Variants in CIMIP6 observed in about 807,000 individuals in gnomAD.
CIMIP6 encodes the protein uncharacterized protein C2orf73.
chr2:54,341,194 T>G, the CIMIP6 span, among the ~76,000 whole-genome samples: 1 of 152,242 alleles, frequency 6.6e-6, no homozygotes, highest in Non-Finnish European at 1.5e-5. Flanking sequence ...TCCAAACTCA[T>G]GTTGAAATGT....
the CIMIP6 span, among the ~76,000 whole-genome samples, chr2:54,333,480 T>C: frequency 6.6e-6 from 1 of 152,002 alleles, no homozygotes; most frequent in Non-Finnish European, 1.5e-5. Context: ...GGTTGGAGGG[T>C]CTTGAGTGAA....
the CIMIP6 span, among the ~76,000 whole-genome samples, chr2:54,362,274 G>A: frequency 6.6e-6 from 1 of 152,114 alleles, no homozygotes; most frequent in Non-Finnish European, 1.5e-5. Flanking sequence ...AAACCAAACT[G>A]AGCAAGAGTC....
At chr2:54,374,689 A>C in the CIMIP6 span, among the ~76,000 whole-genome samples, 1 of 152,272 alleles carries the variant, frequency 6.6e-6, no homozygotes, top group Admixed American at 6.5e-5. Context: ...TGGATGTAAC[A>C]CAGAGGACTT....
the CIMIP6 span, chr2:54,359,148 A>C: frequency 2.3e-6 from 2 of 858,982 alleles, no homozygotes; most frequent in Non-Finnish European, 3.6e-6. Context: ...TTTTCAAGTC[A>C]TAATTATCTT....
chr2:54,333,668 C>G, the CIMIP6 span, among the ~76,000 whole-genome samples: 3 of 152,114 alleles, frequency 2.0e-5, no homozygotes, highest in Non-Finnish European at 4.4e-5. Context: ...GCTGGCAGAT[C>G]ACCTGAGGTC....
chr2:54,366,138 A>G, the CIMIP6 span, among the ~76,000 whole-genome samples: 1 of 152,196 alleles, frequency 6.6e-6, no homozygotes, highest in Non-Finnish European at 1.5e-5. Flanking sequence ...AGTATTTCCC[A>G]GCTTCCCTTG....
chr2:54,376,093 T>C, the CIMIP6 span, among the ~76,000 whole-genome samples: 1 of 152,190 alleles, frequency 6.6e-6, no homozygotes, highest in Admixed American at 6.5e-5. Context: ...TGGAATGCAT[T>C]AGCATGAACA....
the CIMIP6 span, among the ~76,000 whole-genome samples, chr2:54,368,057 G>A: frequency 6.6e-6 from 1 of 152,090 alleles, no homozygotes; most frequent in Non-Finnish European, 1.5e-5. Context: ...TAAGCAAAAA[G>A]AGTTGAAGAA....
chr2:54,358,521 C>G, the CIMIP6 span, among the ~76,000 whole-genome samples: 3 of 152,090 alleles, frequency 2.0e-5, no homozygotes, highest in Non-Finnish European at 4.4e-5. Context: ...CCCACCTCAG[C>G]CTTCCAAACA....
At chr2:54,341,652 G>A in the CIMIP6 span, among the ~76,000 whole-genome samples, 1 of 152,184 alleles carries the variant, frequency 6.6e-6, no homozygotes, top group African/African-American at 2.4e-5. Flanking sequence ...CAAAGAGGTT[G>A]GGGTTTGAAT....
chr2:54,349,008 C>T, the CIMIP6 span, among the ~76,000 whole-genome samples: 1 of 152,074 alleles, frequency 6.6e-6, no homozygotes, highest in Non-Finnish European at 1.5e-5. Flanking sequence ...TATAATAAAA[C>T]TTTATAAATT....
the CIMIP6 span, chr2:54,360,227 G>C: frequency 6.3e-7 from 1 of 1,599,346 alleles, no homozygotes; most frequent in Non-Finnish European, 8.5e-7. Flanking sequence ...TGTACAGAGA[G>C]AGATAAAACC....
chr2:54,376,222 TG>T, the CIMIP6 span, among the ~76,000 whole-genome samples: 1 of 146,044 alleles, frequency 6.8e-6, no homozygotes, highest in Non-Finnish European at 1.5e-5. Flanking sequence ...TTTTTTTTTT[TG>T]GGTAGAGACA....
chr2:54,362,865 G>T, the CIMIP6 span, among the ~76,000 whole-genome samples: 2 of 152,120 alleles, frequency 1.3e-5, no homozygotes, highest in African/African-American at 2.4e-5. Context: ...CTTTCTCATG[G>T]TACTTCGCCA....
chr2:54,363,387 C>G, the CIMIP6 span, among the ~76,000 whole-genome samples: 1 of 152,142 alleles, frequency 6.6e-6, no homozygotes, highest in South Asian at 2.1e-4. Flanking sequence ...TGATTTGATT[C>G]ATGCCACAGT....
At chr2:54,336,208 C>T in the CIMIP6 span, among the ~76,000 whole-genome samples, 1 of 152,168 alleles carries the variant, frequency 6.6e-6, no homozygotes, top group African/African-American at 2.4e-5. Context: ...CCATCACAAT[C>T]AAGCTATGAA....
the CIMIP6 span, among the ~76,000 whole-genome samples, chr2:54,347,368 C>T: frequency 1.3e-5 from 2 of 152,148 alleles, no homozygotes; most frequent in Non-Finnish European, 2.9e-5. Flanking sequence ...GTACAAGAAA[C>T]ACAAAGTGGA....
the CIMIP6 span, among the ~76,000 whole-genome samples, chr2:54,356,889 G>A: frequency 2.2e-4 from 33 of 152,146 alleles, no homozygotes; most frequent in African/African-American, 7.0e-4. Context: ...ATTTAGAGCC[G>A]CTTCATTCTG....
At chr2:54,346,849 A>G in the CIMIP6 span, among the ~76,000 whole-genome samples, 1 of 152,202 alleles carries the variant, frequency 6.6e-6, no homozygotes, top group East Asian at 1.9e-4. Context: ...CTCCTCCTTT[A>G]GATTCTCCAG....
Sources: gnomAD v4.1 joint callset for allele counts (sites outside exome capture counted in the v4.1 genomes callset) on GRCh38, gnomAD v4.1.1 for gene constraint, MANE v1.5 for transcripts, NCBI Gene and HGNC (gene_info 2026-07-23, HGNC 2026-07-21) for gene names.